The following TRABD2A variants were observed in gnomAD, a reference collection of about 807,000 sequenced individuals.
TRABD2A encodes TraB domain containing 2A, also known as metalloprotease TIKI1.
A neutral mutation model predicts 45.6 loss-of-function variants in TRABD2A; 43 were observed. The observed-to-expected ratio is 0.94, with a 90% CI of 0.74 to 1.22. TRABD2A has a LOEUF of 1.22. Among genes scored for constraint, TRABD2A ranks in the 50% most tolerant of loss-of-function variants. TRABD2A has a pLI of 0.00. For synonymous variants in TRABD2A, 269 were observed against 265.0 expected (o/e 1.02, Z -0.15); for missense variants, 642 against 652.4 (o/e 0.98, Z 0.17).
chr2:84,837,207 T>G (rs7572609), intron 4 of TRABD2A: 7,610 of 152,276 alleles, frequency 0.05, 255 homozygotes, highest in Non-Finnish European at 0.075. Context: ...TTGGTCAGGC[T>G]GGTCTCAAAC....
rs1682826909 is a variant in TRABD2A, at chr2:84,870,269, C to T, written c.625G>A (p.Val209Met). 6.2e-7 allele frequency: 1 copy of T among 1,613,962 alleles called. No individual in the cohort carries two copies. The highest frequency in any genetic ancestry group is 1.1e-5 in the South Asian group (1 of 91,080). Residue 209 changes from valine (V) to methionine (M), a missense_variant, in exon 2 of 7, where the codon GTG (valine) becomes ATG (methionine). Transcript: ENST00000409520. ...LRKQTGAVEK[V>M]EEQCHPLNGL... is the part of the protein sequence containing the mutation. ...TTCAATGGATGGCACTGCTCTTCCA[C>T]CTTTTCCACTGCCCCAGTCTGTTTC... is the stretch of plus-strand genomic sequence containing the variant.
chr2:84,832,405 A>G, intron 4 of TRABD2A: 3 of 486,422 alleles, frequency 6.2e-6, no homozygotes, highest in African/African-American at 1.9e-5. Flanking sequence ...CACAAAGCTA[A>G]GGGGATAGCC....
intron 5 of TRABD2A, among the ~76,000 whole-genome samples, chr2:84,829,583 T>C (rs1681258268): frequency 8.0e-6 from 1 of 124,684 alleles, no homozygotes; most frequent in African/African-American, 3.3e-5. Flanking sequence ...CGTACCACAC[T>C]GTACACACAC....
intron 4 of TRABD2A, chr2:84,838,126 A>C: frequency 3.0e-6 from 2 of 675,858 alleles, no homozygotes; most frequent in Non-Finnish European, 5.4e-6. Context: ...TGATTCTTTA[A>C]GGATGGAGCT....
intron 2 of TRABD2A, among the ~76,000 whole-genome samples, chr2:84,862,124 CACCTTG>C (rs1682520336): frequency 6.6e-6 from 1 of 152,212 alleles, no homozygotes; most frequent in African/African-American, 2.4e-5. Context: ...GGCCATGGAG[CACCTTG>C]ACCCCAACAC....
At chr2:84,868,493 G>A (rs1682759018) in intron 2 of TRABD2A, among the ~76,000 whole-genome samples, 1 of 146,028 alleles carries the variant, frequency 6.8e-6, no homozygotes, top group Admixed American at 6.6e-5. Flanking sequence ...TAATGGTGCA[G>A]CTATTAACTA....
chr2:84,867,662 G>C (rs1453739387), intron 2 of TRABD2A, among the ~76,000 whole-genome samples: 2 of 152,112 alleles, frequency 1.3e-5, no homozygotes, highest in Non-Finnish European at 2.9e-5. Context: ...TACAGAATGG[G>C]AGAAAATTTT....
Position 84,881,077 on chromosome 2 carries a change from G to A in TRABD2A, c.-38C>T. 3.9e-6 allele frequency: 6 copies of A among 1,545,582 alleles called. No individual in the cohort carries two copies. Among genetic ancestry groups the A allele is most frequent in the Non-Finnish European group, 4.4e-6 (5 of 1,147,252 alleles). ...GGCTCCGAGGCCCGGAACGCGGAGG[G>A]AAGGAGTAGGGCAGAGGTGGCCGCC... On this transcript the variant is annotated 5_prime_UTR_variant, in exon 1 of 7. Transcript: ENST00000409520.
At chr2:84,838,163 C>T in intron 4 of TRABD2A, 1 of 713,594 alleles carries the variant, frequency 1.4e-6, no homozygotes, top group Non-Finnish European at 2.6e-6. Flanking sequence ...CCCATTCTGT[C>T]CCCTCCAGTA....
chr2:84,853,459 G>T (rs980471598), intron 2 of TRABD2A, among the ~76,000 whole-genome samples: 1 of 152,138 alleles, frequency 6.6e-6, no homozygotes, highest in African/African-American at 2.4e-5. Flanking sequence ...GATCTCATGA[G>T]AACTCACTAT....
At chr2:84,864,658 C>G (rs1449124049) in intron 2 of TRABD2A, among the ~76,000 whole-genome samples, 1 of 152,212 alleles carries the variant, frequency 6.6e-6, no homozygotes, top group Non-Finnish European at 1.5e-5. Flanking sequence ...CCAGTGACCT[C>G]TGCTGGCTGA....
At chr2:84,822,692 T>C (rs1185862110) in intron 6 of TRABD2A, among the ~76,000 whole-genome samples, 2 of 152,192 alleles carry the variant, frequency 1.3e-5, no homozygotes. Flanking sequence ...TATTCCTCTG[T>C]CAATGGAGGA....
chr2:84,824,216 T>C lies in TRABD2A; in HGVS notation c.1083-12A>G. On this transcript the variant is annotated splice_polypyrimidine_tract_variant and intron_variant, in intron 5 of 6. Coordinates refer to ENST00000409520, the MANE Select transcript of TRABD2A (RefSeq NM_001277053.2). ...TTTTACTCTTCCCTCTGTACGCAAG[T>C]GGAAGGAGAAGGTATTTGGAGGAGG... 6.2e-7 allele frequency: 1 copy of C among 1,613,390 alleles called. No individual in the cohort carries two copies. The highest frequency in any genetic ancestry group is 8.5e-7 in the Non-Finnish European group (1 of 1,179,708).
chr2:84,862,743 A>G (rs1165230566), intron 2 of TRABD2A, among the ~76,000 whole-genome samples: 1 of 152,186 alleles, frequency 6.6e-6, no homozygotes, highest in Non-Finnish European at 1.5e-5. Context: ...CTGAGTGCTT[A>G]AGAAATGTGT....
intron 2 of TRABD2A, among the ~76,000 whole-genome samples, chr2:84,849,228 A>G (rs1269717577): frequency 6.6e-6 from 1 of 152,122 alleles, no homozygotes; most frequent in Non-Finnish European, 1.5e-5. Flanking sequence ...GCAGAATTCT[A>G]CAGCTCAGTA....
intron 1 of TRABD2A, among the ~76,000 whole-genome samples, chr2:84,872,806 T>C: frequency 6.6e-6 from 1 of 152,204 alleles, no homozygotes; most frequent in Admixed American, 6.5e-5. Context: ...TTGTTTTATG[T>C]GTGCTTCTAC....
chr2:84,829,753 A>T (rs930871388), intron 5 of TRABD2A, among the ~76,000 whole-genome samples: 4 of 149,974 alleles, frequency 2.7e-5, no homozygotes, highest in Non-Finnish European at 4.5e-5. Flanking sequence ...CACACCAGCC[A>T]TGTTCCACAC....
At chr2:84,835,215 A>T (rs932159589) in intron 4 of TRABD2A, 1 of 129,164 alleles carries the variant, frequency 7.7e-6, no homozygotes, top group Non-Finnish European at 1.6e-5. Context: ...AAGACAAAAA[A>T]TACTAGAGGA....
At chr2:84,875,384 G>A (rs1682994969) in intron 1 of TRABD2A, among the ~76,000 whole-genome samples, 1 of 152,208 alleles carries the variant, frequency 6.6e-6, no homozygotes, top group African/African-American at 2.4e-5. Context: ...GACCAGCAAG[G>A]AGGCCAGCAC....
Sources: allele counts gnomAD v4.1 joint callset (sites outside exome capture counted in the v4.1 genomes callset), GRCh38; gene constraint gnomAD v4.1.1; transcripts MANE v1.5; gene names NCBI Gene and HGNC (gene_info 2026-07-23, HGNC 2026-07-21).